Variants in ELP3 observed in about 807,000 individuals in gnomAD.
ELP3 encodes elongator complex protein 3.
A neutral mutation model predicts 74.9 loss-of-function variants in ELP3; 56 were observed. That is an observed-to-expected ratio of 0.75 (90% CI 0.60 to 0.93). ELP3 has a LOEUF of 0.93. Among genes scored for constraint, ELP3 ranks in the 40% least tolerant of loss-of-function variants. The pLI is 0.00. For synonymous variants in ELP3, 222 were observed against 239.8 expected (o/e 0.93, Z 0.68); for missense variants, 573 against 686.5 (o/e 0.83, Z 1.85).
At chr8:28,101,848 C>T (rs1007771447) in intron 3 of ELP3, among the ~76,000 whole-genome samples, 4 of 152,154 alleles carry the variant, frequency 2.6e-5, no homozygotes, top group Non-Finnish European at 4.4e-5. Flanking sequence ...CCTCAGCCTC[C>T]CAAAGTGCTG....
At chr8:28,119,575 TATATATATA>T (rs1812277637) in intron 7 of ELP3, among the ~76,000 whole-genome samples, 4 of 268 alleles carry the variant, frequency 0.015, no homozygotes, top group Non-Finnish European at 0.029. Flanking sequence ...TGGCGTTTTA[TATATATATA>T]TATATATATA....
intron 3 of ELP3, among the ~76,000 whole-genome samples, chr8:28,100,458 T>G (rs1811432743): frequency 6.6e-6 from 1 of 152,146 alleles, no homozygotes; most frequent in African/African-American, 2.4e-5. Context: ...AGGCTCTAAG[T>G]GTCATGGGAG....
chr8:28,142,882 C>G (rs1813298623), intron 10 of ELP3, among the ~76,000 whole-genome samples: 2 of 151,430 alleles, frequency 1.3e-5, no homozygotes, highest in Non-Finnish European at 2.9e-5. Context: ...TTTAACGTAC[C>G]TTACTGTGGA....
chr8:28,095,983 T>G (rs1811238933), intron 1 of ELP3, among the ~76,000 whole-genome samples: 1 of 152,186 alleles, frequency 6.6e-6, no homozygotes, highest in Non-Finnish European at 1.5e-5. Context: ...AAGTGAAGCT[T>G]CATCAGTATT....
At chr8:28,169,397 G>T (rs1389785892) in intron 14 of ELP3, among the ~76,000 whole-genome samples, 2 of 152,214 alleles carry the variant, frequency 1.3e-5, no homozygotes, top group Non-Finnish European at 2.9e-5. Flanking sequence ...TGTCTGTTCT[G>T]TGATGTCAAG....
intron 3 of ELP3, among the ~76,000 whole-genome samples, chr8:28,103,843 CCTCAGCCTCCCAAGTAA>C (rs963934028): frequency 3.3e-5 from 5 of 152,218 alleles, no homozygotes; most frequent in Admixed American, 2.0e-4. Context: ...TATCCTCCCA[CCTCAGCCTCCCAAGTAA>C]CTGGGACAAC....
At chr8:28,139,790 C>CA (rs1225579029) in intron 10 of ELP3, among the ~76,000 whole-genome samples, 14 of 152,026 alleles carry the variant, frequency 9.2e-5, no homozygotes, top group Admixed American at 7.9e-4. Flanking sequence ...ACTAAAAATA[C>CA]AAAAAATGGC....
At chr8:28,091,639 T>A (rs935111370), upstream of ELP3, among the ~76,000 whole-genome samples, 20 of 152,324 alleles carry the variant, frequency 1.3e-4, no homozygotes, top group African/African-American at 4.3e-4. Flanking sequence ...AGATCATAGA[T>A]GGGTTTCAGG....
chr8:28,110,391 C>T lies in ELP3; in HGVS notation c.415C>T (p.Arg139Cys), dbSNP rs757132276. 9.3e-6 allele frequency: 15 copies of T among 1,613,458 alleles called. No individual in the cohort carries two copies. Among genetic ancestry groups the T allele is most frequent in the East Asian group, 2.2e-5 (1 of 44,874 alleles). ...GYEPTSMRAI[R>C]ARYDPFLQTR... ...CTAGCCAACCTCCATGAGAGCTATC[C>T]GTGCCAGATATGACCCTTTCCTACA... Residue 139 changes from arginine (R) to cysteine (C), a missense_variant, in exon 6 of 15, where the codon CGT (arginine) becomes TGT (cysteine). Physicochemically the swap from Arg to Cys is radical, Grantham distance 180. Coordinates refer to ENST00000256398, the MANE Select transcript of ELP3 (RefSeq NM_018091.6).
intron 3 of ELP3, among the ~76,000 whole-genome samples, chr8:28,104,767 C>T (rs568165304): frequency 2.0e-5 from 3 of 152,338 alleles, no homozygotes; most frequent in African/African-American, 7.2e-5. Context: ...TGATGTTCCT[C>T]ATTTTGATCA....
chr8:28,141,068 A>G (rs1360340647), intron 10 of ELP3, among the ~76,000 whole-genome samples: 1 of 152,152 alleles, frequency 6.6e-6, no homozygotes, highest in Non-Finnish European at 1.5e-5. Flanking sequence ...GTAGAATGTT[A>G]ACTACTTATT....
intron 8 of ELP3, among the ~76,000 whole-genome samples, chr8:28,130,717 T>C (rs1358384073): frequency 6.6e-6 from 1 of 152,048 alleles, no homozygotes. Context: ...GACATCTGAG[T>C]TGGGACTTCA....
At chr8:28,090,671 A>C (rs1811029823), upstream of ELP3, among the ~76,000 whole-genome samples, 1 of 152,090 alleles carries the variant, frequency 6.6e-6, no homozygotes, top group African/African-American at 2.4e-5. Flanking sequence ...AACAACCAGA[A>C]AGGTGGGACA....
At chr8:28,142,436 G>A (rs538903365) in intron 10 of ELP3, among the ~76,000 whole-genome samples, 6 of 152,186 alleles carry the variant, frequency 3.9e-5, no homozygotes, top group Admixed American at 1.3e-4. Context: ...TGTGAGTGAG[G>A]AGTGGTACAG....
intron 14 of ELP3, among the ~76,000 whole-genome samples, chr8:28,184,634 CTT>C (rs1449725049): frequency 2.0e-5 from 3 of 152,214 alleles, no homozygotes; most frequent in Admixed American, 1.3e-4. Context: ...GTAAGGAACT[CTT>C]CTCTCTCACC....
intron 5 of ELP3, among the ~76,000 whole-genome samples, chr8:28,108,387 A>G (rs911518317): frequency 2.0e-5 from 3 of 150,336 alleles, no homozygotes; most frequent in Non-Finnish European, 4.4e-5. Flanking sequence ...TTACCACTAC[A>G]TTGTACTGTC....
Position 28,170,674 on chromosome 8 carries a change from C to G in ELP3, c.1567+8596C>G, listed in dbSNP as rs351759. Among the ~76,000 whole-genome samples, 628 of 152,264 alleles carry G rather than the reference C, an allele frequency of 4.1e-3. 3 individuals carry two copies. Among genetic ancestry groups the G allele is most frequent in the African/African-American group, 0.014 (582 of 41,526 alleles). On this transcript the variant is annotated intron_variant, in intron 14 of 14. Coordinates refer to ENST00000256398, the MANE Select transcript of ELP3 (RefSeq NM_018091.6). Reference sequence around the variant, plus strand: ...AATACTTATTTTCCCCCTACAAACACATGGAGAAATTTTATGCATTGTAAG... The same window carrying G: ...AATACTTATTTTCCCCCTACAAACAGATGGAGAAATTTTATGCATTGTAAG...
chr8:28,137,839 G>T lies in ELP3; in HGVS notation c.1048G>T (p.Ala350Ser). 6.2e-7 allele frequency: 1 copy of T among 1,613,886 alleles called. No homozygotes were observed. Among genetic ancestry groups the T allele is most frequent in the East Asian group, 2.2e-5 (1 of 44,876 alleles). The change falls in exon 10 of 15, where the codon GCT becomes TCT. Residue 350 changes from alanine to serine, a missense_variant. Transcript: ENST00000256398. ...YSPSDLVELV[A>S]RILALVPPWT... ...TCCTAGTGACCTGGTTGAATTGGTG[G>T]CTCGGATCCTAGCCCTCGTGCCTCC... is the stretch of plus-strand genomic sequence containing the variant.
chr8:28,169,663 AAAC>A (rs1413980114), intron 14 of ELP3, among the ~76,000 whole-genome samples: 2 of 152,244 alleles, frequency 1.3e-5, no homozygotes, highest in Non-Finnish European at 2.9e-5. Flanking sequence ...TTAATGGCTG[AAAC>A]AACAAGCATT....
Sources: gnomAD v4.1 joint callset for allele counts (sites outside exome capture counted in the v4.1 genomes callset) on GRCh38, gnomAD v4.1.1 for gene constraint, MANE v1.5 for transcripts, NCBI Gene and HGNC (gene_info 2026-07-23, HGNC 2026-07-21) for gene names.